Variants in GSE1 observed in about 807,000 individuals in gnomAD.
GSE1 encodes the protein genetic suppressor element 1.
A neutral mutation model predicts 112.6 loss-of-function variants in GSE1; 32 were observed. That is an observed-to-expected ratio of 0.28 (90% CI 0.21 to 0.38). The LOEUF is 0.38. GSE1 is among the 10% of genes least tolerant of loss of function. GSE1 has a pLI of 1.00. For missense variants in GSE1, 2,348 were observed against 1,699.2 expected (o/e 1.38, Z -6.71); for synonymous variants, 1,115 against 735.6 (o/e 1.52, Z -8.35).
intron 1 of GSE1, among the ~76,000 whole-genome samples, chr16:85,556,758 C>A (rs981772946): frequency 1.7e-4 from 25 of 145,052 alleles, no homozygotes; most frequent in Middle Eastern, 3.6e-3. Flanking sequence ...TGCCCCCCCC[C>A]CCCCCAGTCC....
At chr16:85,417,533 G>A (rs1449349725) in intron 2 of GSE1, among the ~76,000 whole-genome samples, 4 of 152,244 alleles carry the variant, frequency 2.6e-5, no homozygotes, top group East Asian at 1.9e-4. Flanking sequence ...GCAGCATAGC[G>A]GTAGGAAGCT....
At chr16:85,218,657 G>C (rs1047104655) in intron 1 of GSE1, among the ~76,000 whole-genome samples, 1 of 152,208 alleles carries the variant, frequency 6.6e-6, no homozygotes, top group Non-Finnish European at 1.5e-5. Flanking sequence ...GAACAGGCCT[G>C]TGGGAGTCCA....
intron 1 of GSE1, among the ~76,000 whole-genome samples, chr16:85,574,920 T>C (rs181144119): frequency 7.6e-4 from 115 of 152,240 alleles, no homozygotes; most frequent in African/African-American, 2.5e-3. Flanking sequence ...ACCCTGAGCG[T>C]CCCCTCTTTA....
chr16:85,590,589 GTGAT>G (rs1395499145), intron 1 of GSE1, among the ~76,000 whole-genome samples: 1 of 151,554 alleles, frequency 6.6e-6, no homozygotes, highest in Admixed American at 6.6e-5. Flanking sequence ...ATGAACATGT[GTGAT>G]TGAGCATGTG....
intron 1 of GSE1, chr16:85,592,326 T>C (rs976965530): frequency 1.3e-5 from 2 of 152,094 alleles, no homozygotes; most frequent in Non-Finnish European, 2.9e-5. Flanking sequence ...ATTTTTGTAT[T>C]TTTTGTAGAG....
chr16:85,412,808 A>C (rs1276391823), intron 2 of GSE1, among the ~76,000 whole-genome samples: 1 of 152,150 alleles, frequency 6.6e-6, no homozygotes, highest in African/African-American at 2.4e-5. Context: ...CTGTTGATTT[A>C]ATCACACCTG....
chr16:85,294,740 G>A (rs933050644), intron 1 of GSE1, among the ~76,000 whole-genome samples: 1 of 148,600 alleles, frequency 6.7e-6, no homozygotes, highest in Admixed American at 6.8e-5. Context: ...CAGCATGGGT[G>A]CTTCAGGGTA....
intron 1 of GSE1, among the ~76,000 whole-genome samples, chr16:85,194,362 A>T (rs1197545553): frequency 6.6e-6 from 1 of 152,160 alleles, no homozygotes; most frequent in Non-Finnish European, 1.5e-5. Flanking sequence ...GTCACCCAGG[A>T]GGTCAGAGGC....
chr16:85,226,035 A>G (rs2075479669), intron 1 of GSE1, among the ~76,000 whole-genome samples: 1 of 152,166 alleles, frequency 6.6e-6, no homozygotes, highest in Non-Finnish European at 1.5e-5. Flanking sequence ...ATGTCCCCAC[A>G]TTAGGGCGCT....
intron 13 of GSE1, among the ~76,000 whole-genome samples, chr16:85,667,289 C>T (rs530150719): frequency 6.7e-6 from 1 of 148,376 alleles, no homozygotes; most frequent in Admixed American, 6.6e-5. Context: ...ATTTTAGTCA[C>T]TCTGCCATAC....
At chr16:85,436,433 C>A (rs1374893876) in intron 2 of GSE1, among the ~76,000 whole-genome samples, 4 of 152,358 alleles carry the variant, frequency 2.6e-5, no homozygotes, top group East Asian at 3.9e-4. Context: ...CACTCCAGTG[C>A]GATTCTGCCA....
intron 2 of GSE1, among the ~76,000 whole-genome samples, chr16:85,386,687 C>T (rs1456897467): frequency 6.6e-6 from 1 of 152,210 alleles, no homozygotes; most frequent in Non-Finnish European, 1.5e-5. Context: ...GCGTGAAACG[C>T]CTTGGAAGGA....
intron 1 of GSE1, among the ~76,000 whole-genome samples, chr16:85,569,645 G>T (rs1328311087): frequency 6.6e-6 from 1 of 152,224 alleles, no homozygotes; most frequent in Non-Finnish European, 1.5e-5. Context: ...TCCAGCGCAG[G>T]ACCTCCTGGG....
At chr16:85,219,915 A>G (rs1194230448) in intron 1 of GSE1, among the ~76,000 whole-genome samples, 1 of 152,172 alleles carries the variant, frequency 6.6e-6, no homozygotes, top group Non-Finnish European at 1.5e-5. Context: ...AGGTGACAGG[A>G]CTTCCTTTGG....
At chr16:85,382,086 C>T (rs1170796577) in intron 2 of GSE1, among the ~76,000 whole-genome samples, 1 of 152,254 alleles carries the variant, frequency 6.6e-6, no homozygotes, top group Non-Finnish European at 1.5e-5. Context: ...CTCTTGGCTC[C>T]TCCGCTGTGA....
At chr16:85,250,984 A>T (rs539238089) in intron 1 of GSE1, among the ~76,000 whole-genome samples, 2 of 152,328 alleles carry the variant, frequency 1.3e-5, no homozygotes, top group South Asian at 4.1e-4. Flanking sequence ...ATGTAGCACA[A>T]GTCAAGGCTT....
Position 85,171,119 on chromosome 16 carries a change from G to T in GSE1, c.1595G>T (p.Arg532Leu), listed in dbSNP as rs938440140. 22 of 985,486 alleles carry T rather than the reference G, an allele frequency of 2.2e-5. No individual in the cohort carries two copies. In the African/African-American group the frequency reaches 3.5e-4, roughly 16 times the overall value. 61.0% of individuals were successfully genotyped at this position (985,486 alleles called of 1,614,324 possible). A position where few individuals can be genotyped will look rare whatever the true frequency, so the allele number is the denominator to read the frequency against. Residue 532 changes from arginine (R) to leucine (L), a missense_variant, in exon 1 of 3, where the codon CGC becomes CTC. Coordinates refer to the GSE1 transcript ENST00000637419. ...GGCCCCAACAAGCGCTGTGAAGTCCGCAGCTGCCCCAAGTGCTTCAGCGTC... is the reference window on the plus strand; with the variant it reads ...GGCCCCAACAAGCGCTGTGAAGTCCTCAGCTGCCCCAAGTGCTTCAGCGTC...
intron 14 of GSE1, among the ~76,000 whole-genome samples, 159 bp downstream of exon 14, chr16:85,668,583 G>A (rs2053076714): frequency 6.6e-6 from 1 of 152,184 alleles, no homozygotes; most frequent in South Asian, 2.1e-4. Context: ...CCGGCTTCTG[G>A]TAGCGGTGAT....
intron 1 of GSE1, among the ~76,000 whole-genome samples, chr16:85,585,189 G>T (rs1036685671): frequency 5.3e-5 from 8 of 152,240 alleles, no homozygotes; most frequent in African/African-American, 1.9e-4. Flanking sequence ...ATAAAAACGT[G>T]CTGGCCTGCA....
Sources: gnomAD v4.1 joint callset for allele counts (sites outside exome capture counted in the v4.1 genomes callset) on GRCh38, gnomAD v4.1.1 for gene constraint, MANE v1.5 for transcripts, NCBI Gene and HGNC (gene_info 2026-07-23, HGNC 2026-07-21) for gene names.